Variants in TOE1 observed in about 807,000 individuals in gnomAD.
TOE1 encodes the protein target of EGR1, exonuclease.
A neutral mutation model predicts 49.2 loss-of-function variants in TOE1; 50 were observed. The observed-to-expected ratio is 1.02, with a 90% CI of 0.81 to 1.29. The LOEUF is 1.29. Among genes scored for constraint, TOE1 ranks in the 50% most tolerant of loss-of-function variants. The pLI, the probability that TOE1 is intolerant of heterozygous loss-of-function variation, is 0.00. For synonymous variants in TOE1, 221 were observed against 247.0 expected, an observed-to-expected ratio of 0.89 and a Z score of 0.99; for missense variants, 544 against 654.4, an observed-to-expected ratio of 0.83 and a Z score of 1.84.
rs755928199 is a variant in TOE1 at position 45,340,226 on chromosome 1, C to G, written c.-27C>G. The G allele has an allele frequency of 5.0e-6, 8 of 1,613,858 alleles. No individual in the cohort carries two copies. Among genetic ancestry groups the G allele is most frequent in the Non-Finnish European group, 5.9e-6 (7 of 1,180,028 alleles). Reference sequence around the variant, plus strand: ...ACCGCAAGTCCAGCGTACCCACAGACGACTCAGGCGGGAGACGAGCGGTGT... The same window carrying G: ...ACCGCAAGTCCAGCGTACCCACAGAGGACTCAGGCGGGAGACGAGCGGTGT... On this transcript the variant is annotated 5_prime_UTR_variant, in exon 1 of 8. Coordinates refer to ENST00000372090, the MANE Select transcript of TOE1 (RefSeq NM_025077.4).
Position 45,342,611 on chromosome 1 carries a change from G to A in TOE1, c.720G>A (p.Val240=). The A allele has an allele frequency of 1.2e-6, 2 of 1,614,020 alleles. No individual in the cohort carries two copies. The highest frequency in any genetic ancestry group is 1.7e-6 in the Non-Finnish European group (2 of 1,180,030). The change falls in exon 6 of 8, where the codon GTG becomes GTA. Residue 240 remains valine, a synonymous_variant. Coordinates refer to ENST00000372090, the MANE Select transcript of TOE1 (RefSeq NM_025077.4). ...CTGCTGAGTTTCATGCCCGTTTCGT[G>A]GCCTCCTACTTAGAATATGCCTTCC... ...KYAAEFHARF[V]ASYLEYAFRK...
intron 4 of TOE1, 68 bp downstream of exon 4, chr1:45,341,637 C>T: frequency 7.3e-7 from 1 of 1,366,248 alleles, no homozygotes; most frequent in East Asian, 2.4e-5. Flanking sequence ...TTCTAGGGAA[C>T]ATCAGATAGG....
At position 45,342,378 on chromosome 1, in the gene TOE1, A is replaced by T. The variant is rs1351774591; in HGVS notation, c.493-6A>T. On this transcript the variant is annotated splice_polypyrimidine_tract_variant and splice_region_variant and intron_variant, in intron 5 of 7. Coordinates refer to ENST00000372090, the MANE Select transcript of TOE1 (RefSeq NM_025077.4). ...CCTCCTCATTGACCCCTTTACTTTC[A>T]TCTAGGGTGATGAGAGCCAGAGCCA... 3.6e-5 allele frequency: 58 copies of T among 1,613,660 alleles called. No homozygotes were observed. Among genetic ancestry groups the T allele is most frequent in the Non-Finnish European group, 4.7e-5 (56 of 1,179,828 alleles).
At position 45,343,143 on chromosome 1, in the gene TOE1, T is replaced by G; in HGVS notation, c.974T>G (p.Ile325Ser). 6.2e-7 allele frequency: 1 copy of G among 1,613,780 alleles called. No homozygotes were observed. Among genetic ancestry groups the G allele is most frequent in the South Asian group, 1.1e-5 (1 of 91,050 alleles). Residue 325 changes from isoleucine (I) to serine (S), a missense_variant, in exon 8 of 8, where the codon ATT (isoleucine) becomes AGT (serine). By Grantham distance (142) the Ile-to-Ser change is moderately radical. Coordinates refer to ENST00000372090, the MANE Select transcript of TOE1 (RefSeq NM_025077.4). This position sits in a 1 kb window ranked among gnomAD's most constrained non-coding sequence, Gnocchi z 4.3. The stretch of plus-strand genomic sequence containing the variant: ...CAGTCTCACGATATTGACCTTATCA[T>G]TGACACTGATGAGGCTGCGGCAGAG... Reference protein sequence around the residue: ...CPQSHDIDLIIDTDEAAAEDK... With the variant: ...CPQSHDIDLISDTDEAAAEDK...
rs1471655544 is a variant in TOE1 at position 45,341,571 on chromosome 1, T to G, written c.333+2T>G. The G allele has an allele frequency of 1.2e-6, 2 of 1,612,042 alleles. No individual in the cohort carries two copies. Among genetic ancestry groups the G allele is most frequent in the Admixed American group, 1.7e-5 (1 of 59,724 alleles). ...TGCTTCAAGCGGCAGCCAGACAAGG[T>G]ATGAGCTGATCTCACCCCAATCCTA... On this transcript the variant is annotated splice_donor_variant, in intron 4 of 7. Transcript: ENST00000372090. LOFTEE classifies it high-confidence loss of function.
chr1:45,343,723 C>G lies in TOE1; in HGVS notation c.*21C>G. The G allele has an allele frequency of 6.3e-7, 1 of 1,593,568 alleles. No homozygotes were observed. The highest frequency in any genetic ancestry group is 8.6e-7 in the Non-Finnish European group (1 of 1,166,684). On this transcript the variant is annotated 3_prime_UTR_variant, in exon 8 of 8. Coordinates refer to ENST00000372090, the MANE Select transcript of TOE1 (RefSeq NM_025077.4). This position sits in a 1 kb window ranked among gnomAD's most constrained non-coding sequence, Gnocchi z 4.3. ...GCTGATGCAACTTCCACCTTGCTCT[C>G]AGGTGGAACAGAGGTATTTTGGGTC...
rs772476167 is a variant in TOE1, at chr1:45,341,965, T to C, written c.350T>C (p.Leu117Pro). The C allele has an allele frequency of 6.2e-7, 1 of 1,614,060 alleles. No homozygotes were observed. Among genetic ancestry groups the C allele is most frequent in the Non-Finnish European group, 8.5e-7 (1 of 1,179,924 alleles). ...TTCTCCCAGGGTGAACATTCCTATC[T>C]GGCTCAAGTGTTCAATCTCACTCTG... ...RQPDKGEHSY[L>P]AQVFNLTLLC... The change falls in exon 5 of 8, where the codon CTG becomes CCG. Residue 117 changes from leucine to proline, a missense_variant. Coordinates refer to ENST00000372090, the MANE Select transcript of TOE1 (RefSeq NM_025077.4).
Position 45,342,060 on chromosome 1 carries a change from A to C in TOE1, c.445A>C (p.Asn149His), listed in dbSNP as rs1031399761. The C allele has an allele frequency of 1.2e-6, 2 of 1,613,966 alleles. No homozygotes were observed. The highest frequency in any genetic ancestry group is 8.5e-7 in the Non-Finnish European group (1 of 1,179,898). Residue 149 changes from asparagine (N) to histidine (H), a missense_variant, in exon 5 of 8, where the codon AAC becomes CAC. Physicochemically the swap from Asn to His is moderately conservative, Grantham distance 68. Coordinates refer to ENST00000372090, the MANE Select transcript of TOE1 (RefSeq NM_025077.4). Reference sequence around the variant, plus strand: ...CCTGATACAGCATGGCTTCAACTTCAACCAGCAGTATGCCCAAGGCATCCC... The same window carrying C: ...CCTGATACAGCATGGCTTCAACTTCCACCAGCAGTATGCCCAAGGCATCCC... ...QFLIQHGFNF[N>H]QQYAQGIPYH...
In TOE1 at chr1:45,343,036, G is replaced by C; in HGVS notation, c.912+34G>C. On this transcript the variant is annotated intron_variant, in intron 7 of 7. Coordinates refer to ENST00000372090, the MANE Select transcript of TOE1 (RefSeq NM_025077.4). This position sits in a 1 kb window ranked among gnomAD's most constrained non-coding sequence, Gnocchi z 4.3. Reference sequence around the variant, plus strand: ...ACCCACCTGTTTCTTGGGAGGGAAGGTTCTGATGCCTGGAGCCTCTTTCTA... The same window carrying C: ...ACCCACCTGTTTCTTGGGAGGGAAGCTTCTGATGCCTGGAGCCTCTTTCTA... The C allele has an allele frequency of 6.2e-7, 1 of 1,613,664 alleles. No individual in the cohort carries two copies. The highest frequency in any genetic ancestry group is 1.1e-5 in the South Asian group (1 of 91,060).
At chr1:45,340,904 A>G (rs1646911937) in intron 1 of TOE1, among the ~76,000 whole-genome samples, 169 bp from the exon 2 acceptor site, 1 of 152,194 alleles carries the variant, frequency 6.6e-6, no homozygotes, top group African/African-American at 2.4e-5. Flanking sequence ...AATTCAGGGC[A>G]TTCTCCACTC....
In TOE1 at chr1:45,342,334, G is replaced by A. The variant is rs766438052; in HGVS notation, c.493-50G>A. 6.3e-6 allele frequency: 10 copies of A among 1,594,350 alleles called. No individual in the cohort carries two copies. The Admixed American group carries it at 1.4e-4, about 22-fold the overall frequency. On this transcript the variant is annotated intron_variant, in intron 5 of 7. Coordinates refer to ENST00000372090, the MANE Select transcript of TOE1 (RefSeq NM_025077.4). ...CTGGGATAAGTGCCCAGCAGAAGAG[G>A]CTCCCTGGGGGACTCTGTCCTCCTC...
In TOE1 at chr1:45,343,174, GCGGCGA is replaced by G. The variant is rs747603267; in HGVS notation, c.1014_1019del (p.Arg341_Arg342del). 5 of 1,613,848 alleles carry G rather than the reference GCGGCGA, an allele frequency of 3.1e-6. No homozygotes were observed. The highest frequency in any genetic ancestry group is 1.7e-5 in the Admixed American group (1 of 59,986). ...CTGATGAGGCTGCGGCAGAGGACAA[GCGGCGA>G]CGGCGACGACGTAGGGAAAAACGGA... On this transcript the variant is annotated inframe_deletion, in exon 8 of 8. Coordinates refer to ENST00000372090, the MANE Select transcript of TOE1 (RefSeq NM_025077.4). This position sits in a 1 kb window ranked among gnomAD's most constrained non-coding sequence, Gnocchi z 4.3.
At chr1:45,341,682 G>C in intron 4 of TOE1, 113 bp downstream of exon 4, 1 of 1,030,570 alleles carries the variant, frequency 9.7e-7, no homozygotes, top group Non-Finnish European at 1.4e-6. Context: ...TTTTTGACTT[G>C]ATAGTTTTTT....
In TOE1 at chr1:45,341,341, C is replaced by A. The variant is rs1342575613; in HGVS notation, c.234C>A (p.Asn78Lys). 5 of 1,613,994 alleles carry A rather than the reference C, an allele frequency of 3.1e-6. No individual in the cohort carries two copies. Among genetic ancestry groups the A allele is most frequent in the Non-Finnish European group, 4.2e-6 (5 of 1,180,024 alleles). Reference sequence around the variant, plus strand: ...TTGGGGACAGGAAGAGTTTGCTGAACCAGTAAGTATAAGCCCTTTTCTCTT... The same window carrying A: ...TTGGGGACAGGAAGAGTTTGCTGAAACAGTAAGTATAAGCCCTTTTCTCTT... ...SGLGDRKSLL[N>K]QCIEERYKAV... is the part of the protein sequence containing the mutation. Residue 78 changes from asparagine to lysine, a missense_variant and splice_region_variant, in exon 3 of 8, where the codon AAC becomes AAA. Asn to Lys is a moderately conservative substitution (Grantham distance 94). Transcript: ENST00000372090.
intron 1 of TOE1, chr1:45,340,632 G>A (rs922279626): frequency 1.6e-6 from 2 of 1,287,306 alleles, no homozygotes; most frequent in South Asian, 1.6e-5. Flanking sequence ...GCTCTGGTGT[G>A]GGGCACTGCC....
chr1:45,340,702 G>A (rs562748240), intron 1 of TOE1, among the ~76,000 whole-genome samples: 1 of 152,314 alleles, frequency 6.6e-6, no homozygotes, highest in Non-Finnish European at 1.5e-5. Context: ...GAGAACAGTA[G>A]TATGGATCCC....
intron 2 of TOE1, 41 bp downstream of exon 2, chr1:45,341,256 G>T (rs1483297371): frequency 1.2e-6 from 2 of 1,614,172 alleles, no homozygotes; most frequent in Admixed American, 3.3e-5. Context: ...GTTGTGAAGG[G>T]GCTGGTGCTA....
At position 45,343,892 on chromosome 1, in the gene TOE1, C is replaced by T. The variant is rs1570626843; in HGVS notation, c.*190C>T. 1 of 522,346 alleles carries T rather than the reference C, an allele frequency of 1.9e-6. No individual in the cohort carries two copies. The highest frequency in any genetic ancestry group is 3.0e-5 in the East Asian group (1 of 32,908). 32.4% of individuals were successfully genotyped at this position (522,346 alleles called of 1,614,324 possible). ...TAAGAAGGCTGACCAGCACCTGTAA[C>T]ACTGACTTTATTTTTAAGTCTGAAA... On this transcript the variant is annotated 3_prime_UTR_variant, in exon 8 of 8. Transcript: ENST00000372090. This position sits in a 1 kb window ranked among gnomAD's most constrained non-coding sequence, Gnocchi z 4.3.
At chr1:45,340,493 C>T in intron 1 of TOE1, 189 bp downstream of exon 1, 1 of 1,448,288 alleles carries the variant, frequency 6.9e-7, no homozygotes, top group Non-Finnish European at 9.0e-7. Flanking sequence ...GCGTTGGGAG[C>T]ATGGGGCTGA....
Sources: gnomAD v4.1 joint callset for allele counts (sites outside exome capture counted in the v4.1 genomes callset) on GRCh38, gnomAD v4.1.1 for gene constraint, Gnocchi (gnomAD v3.1) non-coding constraint, MANE v1.5 for transcripts, NCBI Gene and HGNC (gene_info 2026-07-23, HGNC 2026-07-21) for gene names.